The following MLLT10 variants were observed in gnomAD, a reference collection of about 807,000 sequenced individuals.
MLLT10 encodes protein AF-10.
In MLLT10, 30 loss-of-function variants were observed where a neutral mutation model predicts 129.1. That is an observed-to-expected ratio of 0.23 (90% CI 0.17 to 0.32). MLLT10 has a LOEUF of 0.32. Among genes scored for constraint, MLLT10 ranks in the 10% least tolerant of loss-of-function variants. The probability of loss-of-function intolerance (pLI) is 1.00; values close to 1 mark genes in which losing one functional copy is unlikely to be tolerated. For synonymous variants in MLLT10, 490 were observed against 446.4 expected, an observed-to-expected ratio of 1.10 and a Z score of -1.23; for missense variants, 1,119 against 1,268.3, an observed-to-expected ratio of 0.88 and a Z score of 1.79.
At chr10:21,539,555 C>T (rs947089892) in intron 3 of MLLT10, among the ~76,000 whole-genome samples, 4 of 151,254 alleles carry the variant, frequency 2.6e-5, no homozygotes, top group East Asian at 2.0e-4. Flanking sequence ...GGGAGTATCT[C>T]GAGGTCAAAA....
intron 8 of MLLT10, chr10:21,626,007 T>A: frequency 2.7e-6 from 3 of 1,094,436 alleles, no homozygotes; most frequent in Non-Finnish European, 4.3e-6. Context: ...CCACCATACT[T>A]CCTCTGTCCT....
intron 3 of MLLT10, among the ~76,000 whole-genome samples, chr10:21,552,101 A>G (rs1240979652): frequency 1.3e-5 from 2 of 151,790 alleles, no homozygotes; most frequent in East Asian, 1.9e-4. Context: ...TAATTTCTAC[A>G]TTTTTTGTAC....
intron 21 of MLLT10, 144 bp downstream of exon 21, chr10:21,735,379 G>A (rs2058278465): frequency 1.5e-6 from 1 of 667,566 alleles, no homozygotes; most frequent in African/African-American, 1.8e-5. Flanking sequence ...GGTACAGGCT[G>A]TGATACCTGC....
chr10:21,727,803 A>G, intron 15 of MLLT10, 53 bp from the exon 16 acceptor site: 2 of 1,430,038 alleles, frequency 1.4e-6, no homozygotes, highest in Non-Finnish European at 2.0e-6. Context: ...AGAGTTTAAA[A>G]CCTCTTATCT....
At chr10:21,578,368 A>G (rs1589044224) in intron 3 of MLLT10, among the ~76,000 whole-genome samples, 2 of 152,350 alleles carry the variant, frequency 1.3e-5, no homozygotes, top group East Asian at 3.9e-4. Context: ...CCTGGATACA[A>G]ACTACTTGTC....
intron 8 of MLLT10, among the ~76,000 whole-genome samples, chr10:21,630,879 A>C (rs1257360051): frequency 6.6e-6 from 1 of 152,170 alleles, no homozygotes; most frequent in Admixed American, 6.5e-5. Flanking sequence ...GAAATTGAGA[A>C]TATTTGAGGA....
chr10:21,586,674 G>A (rs1466462533), intron 4 of MLLT10, among the ~76,000 whole-genome samples: 3 of 152,080 alleles, frequency 2.0e-5, no homozygotes, highest in African/African-American at 7.2e-5. Context: ...GATCACCTGA[G>A]GTCAGGAGTC....
rs560257849 is a variant in MLLT10 at position 21,700,402 on chromosome 10, T to C, written c.1700-13370T>C. 8.5e-5 allele frequency among the ~76,000 whole-genome samples: 13 copies of C among 152,320 alleles called. No individual in the cohort carries two copies. In the South Asian group the frequency reaches 1.7e-3, roughly 19 times the overall value. The stretch of plus-strand genomic sequence containing the variant: ...TCTGGTTAGAATTGTCAATATTATG[T>C]TGAATAAGAGTTGTGAAGGTGGGTG... On this transcript the variant is annotated intron_variant, in intron 13 of 22. Transcript: ENST00000307729.
At chr10:21,564,122 ATT>A (rs916712595) in intron 3 of MLLT10, among the ~76,000 whole-genome samples, 1 of 150,356 alleles carries the variant, frequency 6.7e-6, no homozygotes, top group African/African-American at 2.4e-5. Flanking sequence ...TATTATTATT[ATT>A]TTTTTTTGAG....
chr10:21,592,551 G>T (rs2042611818), intron 4 of MLLT10, among the ~76,000 whole-genome samples: 2 of 151,998 alleles, frequency 1.3e-5, no homozygotes, highest in African/African-American at 2.4e-5. Flanking sequence ...CACCCCCCGG[G>T]GTTCACGCCA....
intron 21 of MLLT10, chr10:21,738,493 CT>C (rs1430120273): frequency 4.7e-6 from 6 of 1,288,446 alleles, no homozygotes; most frequent in Non-Finnish European, 6.1e-6. Flanking sequence ...AAGGACTGTA[CT>C]TTTTCCTTCA....
rs758563736 is a variant in MLLT10 at position 21,741,923 on chromosome 10, TTTTG to T, written c.3163-12_3163-9del. 7.3e-5 allele frequency: 118 copies of T among 1,609,336 alleles called. No individual in the cohort carries two copies. Among genetic ancestry groups the T allele is most frequent in the Non-Finnish European group, 9.4e-5 (111 of 1,178,628 alleles). Reference sequence around the variant, plus strand: ...GTTGATTTAGCTAACGCATCTGCTCTTTTGTTTACCTGCAGAGACTTAGTGATAA... The same window carrying T: ...GTTGATTTAGCTAACGCATCTGCTCTTTTACCTGCAGAGACTTAGTGATAA... On this transcript the variant is annotated splice_polypyrimidine_tract_variant and intron_variant, in intron 22 of 22. Transcript: ENST00000307729.
chr10:21,619,761 C>G (rs1265553153), intron 8 of MLLT10, among the ~76,000 whole-genome samples: 4 of 152,108 alleles, frequency 2.6e-5, no homozygotes, highest in African/African-American at 9.7e-5. Flanking sequence ...ATGAAGGAAA[C>G]ATACTGTAAG....
At chr10:21,592,976 T>G (rs1323526834) in intron 4 of MLLT10, among the ~76,000 whole-genome samples, 3 of 152,180 alleles carry the variant, frequency 2.0e-5, no homozygotes, top group Non-Finnish European at 2.9e-5. Context: ...ATTTTTCATG[T>G]GTCTTATTCC....
intron 3 of MLLT10, among the ~76,000 whole-genome samples, chr10:21,559,614 A>G (rs2038538522): frequency 6.6e-6 from 1 of 152,064 alleles, no homozygotes; most frequent in African/African-American, 2.4e-5. Flanking sequence ...TGTAAGCATA[A>G]CTCTCATTTC....
intron 9 of MLLT10, among the ~76,000 whole-genome samples, chr10:21,667,064 A>G (rs1564611556): frequency 6.6e-6 from 1 of 151,962 alleles, no homozygotes; most frequent in Non-Finnish European, 1.5e-5. Flanking sequence ...TTTATTTTGT[A>G]TTTGTTTTAG....
chr10:21,733,087 G>A lies in MLLT10; in HGVS notation c.2407G>A (p.Ala803Thr), dbSNP rs1209839467. Residue 803 changes from alanine (A) to threonine (T), a missense_variant and splice_region_variant, in exon 18 of 23, where the codon GCT becomes ACT. Around this residue, in one of 5 missense-constraint regions of MLLT10, gnomAD observed 1,004 missense variants for 1,008.7 expected, o/e 1.00. Transcript: ENST00000307729. ...HQIHTFSAQT[A>T]PTTDSLNSSK... Reference sequence around the variant, plus strand: ...AATACACACATTTTCAGCACAGACTGGTAAGTGTGAAAATATTTATTTTGT... The same window carrying A: ...AATACACACATTTTCAGCACAGACTAGTAAGTGTGAAAATATTTATTTTGT... 7 of 1,589,764 alleles carry A rather than the reference G, an allele frequency of 4.4e-6. No individual in the cohort carries two copies. The highest frequency in any genetic ancestry group is 1.2e-5 in the South Asian group (1 of 86,874).
At chr10:21,710,413 TCA>T (rs1728931332) in intron 13 of MLLT10, among the ~76,000 whole-genome samples, 1 of 152,236 alleles carries the variant, frequency 6.6e-6, no homozygotes, top group African/African-American at 2.4e-5. Flanking sequence ...TGGCAAATCT[TCA>T]GTTTTTCAAG....
At chr10:21,576,631 A>G (rs1433047135) in intron 3 of MLLT10, among the ~76,000 whole-genome samples, 1 of 138,268 alleles carries the variant, frequency 7.2e-6, no homozygotes, top group Non-Finnish European at 1.6e-5. Context: ...CTAATACACA[A>G]TTTTTTTTTT....
Sources: gnomAD v4.1 joint callset for allele counts (sites outside exome capture counted in the v4.1 genomes callset) on GRCh38, gnomAD v4.1.1 for gene constraint, gnomAD v4.1.1 regional missense constraint, MANE v1.5 for transcripts, NCBI Gene and HGNC (gene_info 2026-07-23, HGNC 2026-07-21) for gene names.